Variants in DOK6 observed in about 807,000 individuals in gnomAD.
DOK6 encodes the protein downstream of tyrosine kinase 6.
A neutral mutation model predicts 44.0 loss-of-function variants in DOK6; 22 were observed. That is an observed-to-expected ratio of 0.50 (90% confidence interval 0.36 to 0.71). The LOEUF (loss-of-function observed/expected upper bound fraction) is 0.71. Among genes scored for constraint, DOK6 ranks in the 30% least tolerant of loss-of-function variants. The pLI, the probability that DOK6 is intolerant of heterozygous loss-of-function variation, is 0.00. For missense variants in DOK6, 340 were observed against 416.4 expected (o/e 0.82, Z 1.60); for synonymous variants, 166 against 145.5 (o/e 1.14, Z -1.01).
intron 2 of DOK6, among the ~76,000 whole-genome samples, chr18:69,571,032 A>T (rs1247503384): frequency 1.3e-5 from 2 of 152,012 alleles, no homozygotes; most frequent in Admixed American, 1.3e-4. Context: ...TTGTCATTAT[A>T]TATGTATACA....
intron 5 of DOK6, among the ~76,000 whole-genome samples, chr18:69,727,502 C>CAAGTGATTG (rs1555665561): frequency 6.6e-6 from 1 of 152,158 alleles, no homozygotes; most frequent in Non-Finnish European, 1.5e-5. Context: ...TCCATACCCC[C>CAAGTGATTG]AAGTGATTGT....
chr18:69,509,425 C>G (rs952688397), intron 1 of DOK6, among the ~76,000 whole-genome samples: 3 of 152,014 alleles, frequency 2.0e-5, no homozygotes, highest in South Asian at 4.1e-4. Context: ...ATCACGAGGT[C>G]AGGAGATCGA....
Position 69,811,524 on chromosome 18 carries a change from TTATATATATATATATATA to T in DOK6, c.857-29684_857-29667del, listed in dbSNP as rs57486782. Among the ~76,000 whole-genome samples the T allele has an allele frequency of 7.5e-4, 70 of 93,748 alleles. 1 individual carries two copies. Among genetic ancestry groups the T allele is most frequent in the African/African-American group, 1.6e-3 (34 of 21,688 alleles). The allele number at this position is 93,748 out of a possible 152,430, so 61.5% of individuals were successfully genotyped here. On this transcript the variant is annotated intron_variant, in intron 7 of 7. Coordinates refer to ENST00000382713, the MANE Select transcript of DOK6 (RefSeq NM_152721.6). ...TAATTAGCTTGATTTAACCATTCCA[TTATATATATATATATATA>T]TATATATATATATATATATATATAT...
intron 3 of DOK6, chr18:69,659,874 T>C (rs1351964099): frequency 1.9e-4 from 27 of 143,420 alleles, no homozygotes; most frequent in South Asian, 4.6e-4. Flanking sequence ...ATAAAACATA[T>C]ATGTATGTTT....
chr18:69,571,153 T>G (rs1296274272), intron 2 of DOK6, among the ~76,000 whole-genome samples: 4 of 151,928 alleles, frequency 2.6e-5, no homozygotes, highest in Non-Finnish European at 5.9e-5. Flanking sequence ...TTACATAAAG[T>G]GGTACAATAT....
At chr18:69,682,698 G>A (rs1373582324) in intron 4 of DOK6, among the ~76,000 whole-genome samples, 1 of 152,084 alleles carries the variant, frequency 6.6e-6, no homozygotes, top group African/African-American at 2.4e-5. Flanking sequence ...CAGTTAGAAT[G>A]TATGACATAC....
intron 1 of DOK6, among the ~76,000 whole-genome samples, chr18:69,468,216 G>T (rs1306917007): frequency 6.6e-6 from 1 of 152,062 alleles, no homozygotes; most frequent in Non-Finnish European, 1.5e-5. Flanking sequence ...TGTAAAGGAG[G>T]TTCCTGTATT....
chr18:69,707,373 G>A (rs1468389151), intron 5 of DOK6, among the ~76,000 whole-genome samples: 3 of 152,052 alleles, frequency 2.0e-5, no homozygotes, highest in Non-Finnish European at 4.4e-5. Context: ...ACATGAAATC[G>A]GCCTACCAAG....
intron 1 of DOK6, among the ~76,000 whole-genome samples, chr18:69,447,126 GC>G (rs1212144285): frequency 6.6e-6 from 1 of 152,116 alleles, no homozygotes; most frequent in African/African-American, 2.4e-5. Context: ...TGAAGTCCTT[GC>G]CCATGCCTAT....
At chr18:69,617,538 AAAG>A (rs1389612741) in intron 3 of DOK6, among the ~76,000 whole-genome samples, 10 of 143,818 alleles carry the variant, frequency 7.0e-5, no homozygotes, top group Admixed American at 2.1e-4. Context: ...GAAAGAAAGA[AAAG>A]AAAGGAAAAG....
intron 7 of DOK6, among the ~76,000 whole-genome samples, chr18:69,807,187 G>A (rs1226915157): frequency 6.6e-6 from 1 of 151,592 alleles, no homozygotes; most frequent in Non-Finnish European, 1.5e-5. Flanking sequence ...TTTTTTTAAT[G>A]CAATCAAAGT....
intron 5 of DOK6, among the ~76,000 whole-genome samples, chr18:69,727,587 A>G (rs894912984): frequency 6.6e-6 from 1 of 152,184 alleles, no homozygotes. Flanking sequence ...TTTTTCCCCA[A>G]ATTTAGGGAG....
intron 1 of DOK6, among the ~76,000 whole-genome samples, chr18:69,545,455 A>G (rs1374239700): frequency 1.4e-5 from 2 of 146,056 alleles, no homozygotes; most frequent in Non-Finnish European, 3.0e-5. Flanking sequence ...TTCTCCTGGT[A>G]TTTCATTGAT....
chr18:69,510,075 A>T (rs187212919), intron 1 of DOK6, among the ~76,000 whole-genome samples: 1 of 152,338 alleles, frequency 6.6e-6, no homozygotes, highest in East Asian at 1.9e-4. Context: ...CTACTTTGCT[A>T]GGAGACTAAT....
At chr18:69,584,121 A>G (rs1158242348) in intron 2 of DOK6, among the ~76,000 whole-genome samples, 1 of 151,510 alleles carries the variant, frequency 6.6e-6, no homozygotes, top group Non-Finnish European at 1.5e-5. Context: ...AAAAAAAAAA[A>G]AAAAAAGAAA....
chr18:69,714,321 C>T lies in DOK6; in HGVS notation c.599+15728C>T, dbSNP rs570906821. Among the ~76,000 whole-genome samples the T allele has an allele frequency of 1.3e-4, 20 of 152,258 alleles. No individual in the cohort carries two copies. The South Asian group carries it at 4.1e-3, about 32-fold the overall frequency. On this transcript the variant is annotated intron_variant, in intron 5 of 7. Coordinates refer to ENST00000382713, the MANE Select transcript of DOK6 (RefSeq NM_152721.6). ...TAGTGCAGACCTGGTGTAGTCTGAG[C>T]CAGACAATGCACACCCGAAGGCAGA...
intron 5 of DOK6, among the ~76,000 whole-genome samples, chr18:69,719,719 T>G (rs1265687055): frequency 6.6e-6 from 1 of 152,180 alleles, no homozygotes; most frequent in Non-Finnish European, 1.5e-5. Flanking sequence ...ACTAAATTGC[T>G]CCCATAGTTA....
At chr18:69,510,276 TG>T (rs1292923952) in intron 1 of DOK6, among the ~76,000 whole-genome samples, 1 of 152,240 alleles carries the variant, frequency 6.6e-6, no homozygotes, top group Non-Finnish European at 1.5e-5. Flanking sequence ...TTCTTTTTGG[TG>T]CTATTGGAAT....
chr18:69,783,328 G>T (rs2145091452), intron 7 of DOK6, among the ~76,000 whole-genome samples: 1 of 152,334 alleles, frequency 6.6e-6, no homozygotes, highest in Non-Finnish European at 1.5e-5. Flanking sequence ...CACACCAGAT[G>T]TGAAGATTTA....
Sources: allele counts gnomAD v4.1 joint callset (sites outside exome capture counted in the v4.1 genomes callset), GRCh38; gene constraint gnomAD v4.1.1; transcripts MANE v1.5; gene names NCBI Gene and HGNC (gene_info 2026-07-23, HGNC 2026-07-21).